The following SOAT2 variants were observed in gnomAD, a reference collection of about 807,000 sequenced individuals.
SOAT2 encodes sterol O-acyltransferase 2, also known as ACAT-2.
In SOAT2, 87 loss-of-function variants were observed where a neutral mutation model predicts 76.0. That is an observed-to-expected ratio of 1.14 (90% CI 0.96 to 1.37). SOAT2 has a LOEUF of 1.37. Ranked by LOEUF, SOAT2 falls within the 40% of genes most tolerant of loss-of-function variation. SOAT2 has a pLI of 0.00. For missense variants in SOAT2, 686 were observed against 682.1 expected, an observed-to-expected ratio of 1.01 and a Z score of -0.06; for synonymous variants, 285 against 275.4, an observed-to-expected ratio of 1.03 and a Z score of -0.34.
intron 5 of SOAT2, among the ~76,000 whole-genome samples, chr12:53,108,981 G>A (rs1937974480): frequency 6.6e-6 from 1 of 152,214 alleles, no homozygotes; most frequent in Admixed American, 6.5e-5. Flanking sequence ...GCTCATGCCT[G>A]TAATCCCAGC....
intron 7 of SOAT2, among the ~76,000 whole-genome samples, 197 bp downstream of exon 7, chr12:53,116,363 C>G (rs1366933843): frequency 6.6e-6 from 1 of 152,248 alleles, no homozygotes; most frequent in Non-Finnish European, 1.5e-5. Context: ...CAGATGGCAC[C>G]TCTGTTACCC....
intron 5 of SOAT2, among the ~76,000 whole-genome samples, chr12:53,113,881 A>C (rs1235511683): frequency 6.6e-6 from 1 of 152,158 alleles, no homozygotes; most frequent in Non-Finnish European, 1.5e-5. Context: ...CCCTTCTCTT[A>C]TCTCCTGCTA....
In SOAT2 at chr12:53,105,127, G is replaced by A. The variant is rs753786312; in HGVS notation, c.159G>A (p.Leu53=). Residue 53 remains leucine (L), a synonymous_variant, in exon 3 of 15, where the codon CTG becomes CTA. Transcript: ENST00000301466. Reference sequence around the variant, plus strand: ...CGTAGGCTGTGAAGGCACAATTGCTGGAGCAAGCGCAGGGACAACTGAGGG... The same window carrying A: ...CGTAGGCTGTGAAGGCACAATTGCTAGAGCAAGCGCAGGGACAACTGAGGG... ...RHMEAVKAQL[L]EQAQGQLREL... 1.9e-6 allele frequency: 3 copies of A among 1,562,868 alleles called. No homozygotes were observed. Among genetic ancestry groups the A allele is most frequent in the Middle Eastern group, 1.7e-4 (1 of 5,978 alleles).
intron 7 of SOAT2, among the ~76,000 whole-genome samples, chr12:53,117,726 G>T (rs1004101495): frequency 2.0e-5 from 3 of 152,102 alleles, no homozygotes; most frequent in Admixed American, 6.5e-5. Flanking sequence ...GGAGGCCAGT[G>T]CTGGGCCAGA....
intron 13 of SOAT2, 32 bp downstream of exon 13, chr12:53,123,248 C>A: frequency 1.2e-6 from 2 of 1,611,924 alleles, no homozygotes; most frequent in Non-Finnish European, 1.7e-6. Context: ...TGGAAGGGAG[C>A]CATCCAGAGG....
intron 5 of SOAT2, among the ~76,000 whole-genome samples, chr12:53,106,253 A>G: frequency 6.6e-6 from 1 of 152,042 alleles, no homozygotes; most frequent in East Asian, 1.9e-4. Context: ...AATGCTTCTC[A>G]ATGACACCTT....
intron 5 of SOAT2, 115 bp from the exon 6 acceptor site, chr12:53,115,275 G>T: frequency 8.3e-7 from 1 of 1,210,140 alleles, no homozygotes; most frequent in Non-Finnish European, 1.1e-6. Context: ...CAGAGATGGG[G>T]AGCTCACAAC....
intron 5 of SOAT2, among the ~76,000 whole-genome samples, chr12:53,107,870 A>G (rs1440059646): frequency 6.6e-6 from 1 of 152,088 alleles, no homozygotes; most frequent in Non-Finnish European, 1.5e-5. Flanking sequence ...CGATCTGCCC[A>G]CCTTGGCCTC....
intron 5 of SOAT2, among the ~76,000 whole-genome samples, chr12:53,110,992 TTGG>T (rs1938002532): frequency 6.6e-6 from 1 of 152,220 alleles, no homozygotes; most frequent in Non-Finnish European, 1.5e-5. Context: ...TACATTTTTA[TTGG>T]AAAATACCCA....
intron 5 of SOAT2, among the ~76,000 whole-genome samples, chr12:53,108,480 G>A (rs1399236723): frequency 6.6e-6 from 1 of 152,176 alleles, no homozygotes; most frequent in Non-Finnish European, 1.5e-5. Flanking sequence ...AAATTCTGGA[G>A]AAATCAGGTA....
At chr12:53,116,959 A>ATTT (rs71095980) in intron 7 of SOAT2, among the ~76,000 whole-genome samples, 13 of 139,004 alleles carry the variant, frequency 9.4e-5, no homozygotes, top group East Asian at 4.3e-4. Flanking sequence ...CCAATTTCAA[A>ATTT]TTTTTTTTTT....
intron 1 of SOAT2, among the ~76,000 whole-genome samples, chr12:53,103,888 C>G (rs1042665701): frequency 1.3e-5 from 2 of 152,194 alleles, no homozygotes; most frequent in African/African-American, 4.8e-5. Flanking sequence ...CTGTTTAGCC[C>G]CAGATAGTGA....
Position 53,121,793 on chromosome 12 carries a change from C to CTTTTTT in SOAT2, c.1236+418_1236+423dup, listed in dbSNP as rs56848843. On this transcript the variant is annotated intron_variant, in intron 12 of 14. Transcript: ENST00000301466. ...TAAGTCCCAATGGGATAGTAGCATG[C>CTTTTTT]TTTTTTTTTTTTTTTTTTTTTTTTT... is the stretch of plus-strand genomic sequence containing the variant. Among the ~76,000 whole-genome samples the CTTTTTT allele has an allele frequency of 4.7e-4, 27 of 56,860 alleles. 2 individuals carry two copies. Among genetic ancestry groups the CTTTTTT allele is most frequent in the Admixed American group, 6.9e-4 (3 of 4,340 alleles). 37.3% of individuals were successfully genotyped at this position (56,860 alleles called of 152,430 possible).
In SOAT2 at chr12:53,118,822, C is replaced by G. The variant is rs1041001490; in HGVS notation, c.864-68C>G. On this transcript the variant is annotated intron_variant, in intron 8 of 14. Coordinates refer to ENST00000301466, the MANE Select transcript of SOAT2 (RefSeq NM_003578.4). The stretch of plus-strand genomic sequence containing the variant: ...AACTGAGGAGAGAGGGCCCCAGAAC[C>G]CGTGCCCAGGCTGAACAGAGAACAA... The G allele has an allele frequency of 4.4e-6, 7 of 1,576,124 alleles. No homozygotes were observed. The African/African-American group carries it at 5.4e-5, about 12-fold the overall frequency.
At chr12:53,117,360 C>G (rs1189787306) in intron 7 of SOAT2, among the ~76,000 whole-genome samples, 1 of 149,950 alleles carries the variant, frequency 6.7e-6, no homozygotes, top group Non-Finnish European at 1.5e-5. Context: ...CTGCCTTGGC[C>G]TCCCAAAGTG....
At chr12:53,115,691 C>G (rs1297648124) in intron 6 of SOAT2, 37 bp downstream of exon 6, 1 of 1,476,216 alleles carries the variant, frequency 6.8e-7, no homozygotes, top group East Asian at 2.4e-5. Flanking sequence ...AGGAAGGAAC[C>G]AGCTGGTGGG....
chr12:53,108,837 A>G (rs556084242), intron 5 of SOAT2, among the ~76,000 whole-genome samples: 2 of 152,364 alleles, frequency 1.3e-5, no homozygotes, highest in East Asian at 3.9e-4. Flanking sequence ...TCTAAAGAGG[A>G]CCAAAACAAG....
At chr12:53,116,207 T>C (rs777370515) in intron 7 of SOAT2, 41 bp downstream of exon 7, 4 of 1,553,698 alleles carry the variant, frequency 2.6e-6, no homozygotes, top group Non-Finnish European at 3.6e-6. Context: ...TCAGTCCTCT[T>C]GGCTGACTGA....
chr12:53,106,441 A>T (rs555606870), intron 5 of SOAT2, among the ~76,000 whole-genome samples: 1 of 152,206 alleles, frequency 6.6e-6, no homozygotes, highest in Non-Finnish European at 1.5e-5. Context: ...TCTTGTGGGG[A>T]AGACAGACAT....
Sources: gnomAD v4.1 joint callset for allele counts (sites outside exome capture counted in the v4.1 genomes callset) on GRCh38, gnomAD v4.1.1 for gene constraint, MANE v1.5 for transcripts, NCBI Gene and HGNC (gene_info 2026-07-23, HGNC 2026-07-21) for gene names.